The following LYAR variants were observed in gnomAD, a reference collection of about 807,000 sequenced individuals.
LYAR encodes the protein Ly1 antibody reactive.
A neutral mutation model predicts 45.2 loss-of-function variants in LYAR; 37 were observed. The observed-to-expected ratio is 0.82, with a 90% CI of 0.63 to 1.08. The LOEUF (loss-of-function observed/expected upper bound fraction) is 1.08, where lower values mean the gene tolerates loss of function less well. Among genes scored for constraint, LYAR ranks in the 50% least tolerant of loss-of-function variants. LYAR has a pLI of 0.00. For synonymous variants in LYAR, 176 were observed against 155.1 expected, an observed-to-expected ratio of 1.14 and a Z score of -1.00; for missense variants, 493 against 451.0, an observed-to-expected ratio of 1.09 and a Z score of -0.84.
intron 8 of LYAR, among the ~76,000 whole-genome samples, chr4:4,270,854 C>T (rs1467069262): frequency 6.6e-6 from 1 of 152,148 alleles, no homozygotes; most frequent in African/African-American, 2.4e-5. Flanking sequence ...TACAGAGACT[C>T]CTGAAACAGC....
At chr4:4,271,188 C>G (rs1173627377) in intron 8 of LYAR, among the ~76,000 whole-genome samples, 2 of 152,160 alleles carry the variant, frequency 1.3e-5, no homozygotes, top group African/African-American at 2.4e-5. Flanking sequence ...TCTCTGGTAA[C>G]CATCCTTTTA....
chr4:4,281,481 G>A lies in LYAR; in HGVS notation c.237+302C>T, dbSNP rs7695226. Among the ~76,000 whole-genome samples, 523 of 119,966 alleles carry A rather than the reference G, an allele frequency of 4.4e-3. 4 individuals are homozygous for A. Among genetic ancestry groups the A allele is most frequent in the African/African-American group, 0.012 (474 of 39,338 alleles). 78.7% of individuals were successfully genotyped at this position (119,966 alleles called of 152,430 possible). On this transcript the variant is annotated intron_variant, in intron 4 of 9. Transcript: ENST00000343470. ...ATTACAGGCACCCGCCACTATGCCC[G>A]GCTAATTTTTTGTATTTTTAGTAGA... is the stretch of plus-strand genomic sequence containing the variant.
chr4:4,277,827 CAG>C (rs1014942390), intron 6 of LYAR, among the ~76,000 whole-genome samples: 4 of 152,166 alleles, frequency 2.6e-5, no homozygotes, highest in Admixed American at 1.3e-4. Flanking sequence ...TGACATCTGG[CAG>C]AGTTACAGGA....
chr4:4,286,372 C>G (rs1719610983), intron 2 of LYAR, 147 bp downstream of exon 2: 2 of 152,218 alleles, frequency 1.3e-5, no homozygotes. Flanking sequence ...GCACAGCAGA[C>G]AGGGTGTCCC....
chr4:4,283,915 C>A, intron 2 of LYAR, 120 bp from the exon 3 acceptor site: 1 of 541,878 alleles, frequency 1.8e-6, no homozygotes, highest in Non-Finnish European at 3.3e-6. Context: ...AGTTGATTAG[C>A]AATCTACATA....
chr4:4,276,957 G>A (rs1004131521), intron 6 of LYAR, among the ~76,000 whole-genome samples: 14 of 152,180 alleles, frequency 9.2e-5, no homozygotes, highest in Non-Finnish European at 1.6e-4. Flanking sequence ...AAGGGCAGAG[G>A]AGGATTTCAG....
intron 6 of LYAR, among the ~76,000 whole-genome samples, chr4:4,275,037 C>G (rs1231476706): frequency 1.3e-5 from 2 of 152,210 alleles, no homozygotes; most frequent in Non-Finnish European, 2.9e-5. Context: ...CCTTATGTCG[C>G]TGAAGATAAG....
At chr4:4,274,328 G>C in intron 7 of LYAR, 39 bp downstream of exon 7, 1 of 1,578,506 alleles carries the variant, frequency 6.3e-7, no homozygotes, top group Non-Finnish European at 8.6e-7. Flanking sequence ...AGCTTTCCCG[G>C]TTTTCAGATG....
Position 4,274,678 on chromosome 4 carries a change from A to C in LYAR, c.521T>G (p.Val174Gly). Residue 174 changes from valine to glycine, a missense_variant, in exon 7 of 10, where the codon GTG becomes GGG. Physicochemically the swap from Val to Gly is moderately radical, Grantham distance 109. Coordinates refer to ENST00000343470, the MANE Select transcript of LYAR (RefSeq NM_017816.3). ...CCCTTGCTGTTCCACGGCGTCTTTCACTTTGGAGGCTGGAACCTTGGTGGA... is the reference window on the plus strand; with the variant it reads ...CCCTTGCTGTTCCACGGCGTCTTTCCCTTTGGAGGCTGGAACCTTGGTGGA... ...EISTKVPASKVKDAVEQQGEV... is the reference protein window; with the variant it reads ...EISTKVPASKGKDAVEQQGEV... The C allele has an allele frequency of 6.2e-7, 1 of 1,613,132 alleles. No individual in the cohort carries two copies. The highest frequency in any genetic ancestry group is 2.2e-5 in the East Asian group (1 of 44,824).
At position 4,274,763 on chromosome 4, in the gene LYAR, C is replaced by T. The variant is rs201897727; in HGVS notation, c.436G>A (p.Val146Ile). The change falls in exon 7 of 10, where the codon GTC becomes ATC. Residue 146 changes from valine to isoleucine, a missense_variant. Physicochemically the swap from Val to Ile is conservative, Grantham distance 29 (BLOSUM62 3). Coordinates refer to ENST00000343470, the MANE Select transcript of LYAR (RefSeq NM_017816.3). ...GGCCGTTGATCCTGTTCCTTATTGA[C>T]TGGTTCCTTATCATTAAGCAAAAGC... The part of the protein sequence containing the change: ...IFSEASNSEP[V>I]NKEQDQRPLH... 544 of 1,589,710 alleles carry T rather than the reference C, an allele frequency of 3.4e-4. No individual in the cohort carries two copies. Among genetic ancestry groups the T allele is most frequent in the Non-Finnish European group, 4.5e-4 (523 of 1,173,522 alleles).
chr4:4,270,301 A>G (rs1308148788), intron 8 of LYAR, among the ~76,000 whole-genome samples: 1 of 151,324 alleles, frequency 6.6e-6, no homozygotes, highest in Non-Finnish European at 1.5e-5. Context: ...ATCCATTAAG[A>G]TAATTTAGAA....
chr4:4,278,800 G>C (rs1471422364), intron 6 of LYAR, among the ~76,000 whole-genome samples: 2 of 152,146 alleles, frequency 1.3e-5, no homozygotes, highest in Non-Finnish European at 2.9e-5. Context: ...CAAACGTCAG[G>C]CAAACTGCAC....
chr4:4,271,229 T>A (rs1262093720), intron 8 of LYAR, among the ~76,000 whole-genome samples: 1 of 152,192 alleles, frequency 6.6e-6, no homozygotes, highest in Non-Finnish European at 1.5e-5. Flanking sequence ...GCAACTGTTT[T>A]GATTTTTAGA....
intron 6 of LYAR, 108 bp downstream of exon 6, chr4:4,279,333 AAAAAAT>A (rs1560095194): frequency 2.7e-6 from 2 of 752,276 alleles, no homozygotes; most frequent in Non-Finnish European, 4.3e-6. Flanking sequence ...CTCCATCTCA[AAAAAAT>A]AAAAATAAAA....
rs1719042255 is a variant in LYAR at position 4,273,630 on chromosome 4, T to C, written c.872A>G (p.Glu291Gly). The stretch of plus-strand genomic sequence containing the variant: ...TTCTGGTTCTCCGCCCTCAGGATGC[T>C]CTGGGAGCTTCATCTTTTTCTTCTT... The part of the protein sequence containing the change: ...DSKKKKMKLP[E>G]HPEGGEPEDD... The change falls in exon 8 of 10, where the codon GAG (glutamate) becomes GGG (glycine). Residue 291 changes from glutamate (E) to glycine (G), a missense_variant. Glu to Gly is a moderately conservative substitution (Grantham distance 98). Transcript: ENST00000343470. 1 of 1,613,416 alleles carries C rather than the reference T, an allele frequency of 6.2e-7. No homozygotes were observed. The highest frequency in any genetic ancestry group is 8.5e-7 in the Non-Finnish European group (1 of 1,179,510).
In LYAR at chr4:4,279,485, C is replaced by T. The variant is rs1719311991; in HGVS notation, c.391G>A (p.Asp131Asn). ...SLKVHNESILDQVWNIFSEAS... is the reference protein window; with the variant it reads ...SLKVHNESILNQVWNIFSEAS... ...TCAGAAAAGATATTCCACACCTGGT[C>T]CAGAATGGATTCATTATGAACTTTT... The change falls in exon 6 of 10, where the codon GAC becomes AAC. Residue 131 changes from aspartate (D) to asparagine (N), a missense_variant. Coordinates refer to ENST00000343470, the MANE Select transcript of LYAR (RefSeq NM_017816.3). 1 of 1,613,150 alleles carries T rather than the reference C, an allele frequency of 6.2e-7. No individual in the cohort carries two copies. Among genetic ancestry groups the T allele is most frequent in the Non-Finnish European group, 8.5e-7 (1 of 1,179,188 alleles).
chr4:4,275,064 C>T (rs892213110), intron 6 of LYAR, among the ~76,000 whole-genome samples: 7 of 152,194 alleles, frequency 4.6e-5, no homozygotes, highest in Admixed American at 4.6e-4. Context: ...CATTCCAGCT[C>T]ACTATTCACC....
chr4:4,276,812 G>A (rs978703471), intron 6 of LYAR, among the ~76,000 whole-genome samples: 42 of 150,410 alleles, frequency 2.8e-4, no homozygotes, highest in Non-Finnish European at 5.2e-4. Flanking sequence ...AGCCAAGATC[G>A]TGCCACTGTA....
At position 4,283,730 on chromosome 4, in the gene LYAR, T is replaced by TA. The variant is rs1241018984; in HGVS notation, c.12dup (p.Thr5TyrfsTer7). 3.0e-5 allele frequency: 48 copies of TA among 1,610,822 alleles called. No individual in the cohort carries two copies. The highest frequency in any genetic ancestry group is 3.4e-5 in the Non-Finnish European group (40 of 1,179,168). ...ACTGATTCACCACATGCATTGCATG[T>TA]AAAAAATACCATTTTTAGGTAAATG... is the stretch of plus-strand genomic sequence containing the variant. On this transcript the variant is annotated frameshift_variant, in exon 3 of 10. Transcript: ENST00000343470. LOFTEE classifies it high-confidence loss of function.
Sources: gnomAD v4.1 joint callset for allele counts (sites outside exome capture counted in the v4.1 genomes callset) on GRCh38, gnomAD v4.1.1 for gene constraint, MANE v1.5 for transcripts, NCBI Gene and HGNC (gene_info 2026-07-23, HGNC 2026-07-21) for gene names.